Variants in ZNF33A observed in about 807,000 individuals in gnomAD.
ZNF33A encodes zinc finger protein 33A, also known as brain my041 protein.
A neutral mutation model predicts 15.9 loss-of-function variants in ZNF33A; 9 were observed. The observed-to-expected ratio is 0.57, with a 90% CI of 0.34 to 0.99. The LOEUF is 0.99. Ranked by LOEUF, ZNF33A falls within the 50% of genes least tolerant of loss-of-function variation. The pLI, the probability that ZNF33A is intolerant of heterozygous loss-of-function variation, is 0.02. For synonymous variants in ZNF33A, 294 were observed against 324.2 expected (o/e 0.91, Z 1.00); for missense variants, 843 against 941.6 (o/e 0.90, Z 1.37).
chr10:38,029,173 T>C (rs1053785548), intron 4 of ZNF33A, among the ~76,000 whole-genome samples: 2 of 152,208 alleles, frequency 1.3e-5, no homozygotes, highest in African/African-American at 4.8e-5. Context: ...TCCTCCAGAT[T>C]AGAGTCTAGT....
At chr10:38,064,072 C>G, downstream of ZNF33A, 1 of 1,596,506 alleles carries the variant, frequency 6.3e-7, no homozygotes, top group African/African-American at 1.3e-5. Flanking sequence ...TTCTCACCAT[C>G]CTTACTCCCT....
chr10:38,067,472 T>C (rs1375251536), downstream of ZNF33A, among the ~76,000 whole-genome samples: 4 of 152,206 alleles, frequency 2.6e-5, no homozygotes, highest in Non-Finnish European at 5.9e-5. Flanking sequence ...CAATTCTTTG[T>C]TGAGATTCTC....
rs185666737 is a variant in ZNF33A, at chr10:38,057,194, G to A, written c.*634G>A. On this transcript the variant is annotated 3_prime_UTR_variant, in exon 5 of 5. Transcript: ENST00000432900. ...TTTACATTTGAGTAACCATCAACAC[G>A]ATTAGTTTACAGAACTGAAAAGGAA... The A allele has an allele frequency of 6.1e-6, 6 of 983,454 alleles. No homozygotes were observed. Among genetic ancestry groups the A allele is most frequent in the East Asian group, 1.1e-4 (1 of 8,794 alleles). The allele number at this position is 983,454 out of a possible 1,614,324, so 60.9% of individuals were successfully genotyped here. A position where few individuals can be genotyped will look rare whatever the true frequency, so the allele number is the denominator to read the frequency against.
intron 4 of ZNF33A, among the ~76,000 whole-genome samples, chr10:38,019,148 G>A (rs9417282): frequency 0.88 from 127,111 of 144,612 alleles, 55,699 homozygotes; most frequent in South Asian, 0.94. Flanking sequence ...CCCCCACCCC[G>A]TAACAGTCCC....
chr10:38,039,541 T>C (rs1189004597), intron 4 of ZNF33A: 1 of 455,812 alleles, frequency 2.2e-6, no homozygotes, highest in Non-Finnish European at 4.4e-6. Context: ...ATGGGGAGTT[T>C]TAAATTTACA....
Position 38,056,510 on chromosome 10 carries a change from G to A in ZNF33A, c.2386G>A (p.Glu796Lys). Residue 796 changes from glutamate (E) to lysine (K), a missense_variant, in exon 5 of 5, where the codon GAG becomes AAG. Physicochemically the swap from Glu to Lys is moderately conservative, Grantham distance 56 (BLOSUM62 1). Coordinates refer to ENST00000432900, the MANE Select transcript of ZNF33A (RefSeq NM_006954.2). ...ACAAGTCAGCCTCCATAATGCCTCA[G>A]AGTATTCACACTGTGGAGAAAGCCC... ...QPQVSLHNASEYSHCGESPDD... is the reference protein window; with the variant it reads ...QPQVSLHNASKYSHCGESPDD... 1 of 1,608,312 alleles carries A rather than the reference G, an allele frequency of 6.2e-7. No homozygotes were observed. The highest frequency in any genetic ancestry group is 1.3e-5 in the African/African-American group (1 of 74,814).
chr10:38,023,531 T>C (rs1371765945), intron 4 of ZNF33A, among the ~76,000 whole-genome samples: 1 of 152,162 alleles, frequency 6.6e-6, no homozygotes, highest in Non-Finnish European at 1.5e-5. Context: ...CATCAGTTAA[T>C]AATAGAGAAA....
intron 4 of ZNF33A, among the ~76,000 whole-genome samples, chr10:38,028,279 T>TAAATA (rs952037725): frequency 2.6e-4 from 40 of 151,748 alleles, no homozygotes; most frequent in African/African-American, 4.3e-4. Context: ...AATAAATAAA[T>TAAATA]AAATAAAATA....
At chr10:38,050,419 C>T (rs1377339473) in intron 4 of ZNF33A, among the ~76,000 whole-genome samples, 2 of 152,256 alleles carry the variant, frequency 1.3e-5, no homozygotes, top group African/African-American at 4.8e-5. Context: ...TGTTGCTGCA[C>T]TCTTGTAAGA....
intron 4 of ZNF33A, chr10:38,039,572 G>T (rs1360103956): frequency 2.2e-6 from 1 of 454,746 alleles, no homozygotes; most frequent in Non-Finnish European, 4.4e-6. Context: ...TTTTACTTGT[G>T]TAGGTCTTTT....
downstream of ZNF33A, among the ~76,000 whole-genome samples, chr10:38,062,934 C>T (rs1444175627): frequency 4.7e-5 from 6 of 128,584 alleles, no homozygotes; most frequent in South Asian, 2.6e-4. Flanking sequence ...ACCCAGGAGG[C>T]GGAGCTTGCA....
chr10:38,017,385 A>G lies in ZNF33A; in HGVS notation c.249A>G (p.Pro83=), dbSNP rs2064508378. 8 of 1,612,072 alleles carry G rather than the reference A, an allele frequency of 5.0e-6. No individual in the cohort carries two copies. The South Asian group carries it at 6.6e-5, about 13-fold the overall frequency. Residue 83 remains proline, a splice_region_variant and synonymous_variant, in exon 4 of 5, where the codon CCA becomes CCG. Transcript: ENST00000432900. ...QEEEFPSQSF[P]EVWTADHLKE... ...AAGAATTCCCAAGCCAAAGCTTTCCAGGTGAGTTAATATGTACTGCACAGA... is the reference window on the plus strand; with the variant it reads ...AAGAATTCCCAAGCCAAAGCTTTCCGGGTGAGTTAATATGTACTGCACAGA...
intron 4 of ZNF33A, among the ~76,000 whole-genome samples, chr10:38,022,324 A>G (rs1303766984): frequency 6.6e-6 from 1 of 152,176 alleles, no homozygotes; most frequent in Non-Finnish European, 1.5e-5. Context: ...ATTTAACAGT[A>G]TAATAAGGGA....
chr10:38,041,966 G>T (rs1776252077), intron 4 of ZNF33A, among the ~76,000 whole-genome samples: 1 of 151,970 alleles, frequency 6.6e-6, no homozygotes, highest in Admixed American at 6.6e-5. Flanking sequence ...TCCTCCCCTT[G>T]CCCCCACACC....
intron 4 of ZNF33A, among the ~76,000 whole-genome samples, chr10:38,026,876 G>A (rs2065014139): frequency 6.6e-6 from 1 of 152,164 alleles, no homozygotes; most frequent in African/African-American, 2.4e-5. Context: ...CGACCAGTCT[G>A]TGGCAACCTC....
At chr10:38,014,871 A>T (rs746849061) in intron 2 of ZNF33A, among the ~76,000 whole-genome samples, 2 of 152,030 alleles carry the variant, frequency 1.3e-5, no homozygotes, top group South Asian at 2.1e-4. Context: ...CCTATATATA[A>T]ATTTGGGAAG....
Position 38,056,944 on chromosome 10 carries a change from A to T in ZNF33A, c.*384A>T. 1.1e-6 allele frequency: 1 copy of T among 930,618 alleles called. No homozygotes were observed. The highest frequency in any genetic ancestry group is 1.3e-6 in the Non-Finnish European group (1 of 777,948). 57.6% of individuals were successfully genotyped at this position (930,618 alleles called of 1,614,324 possible). On this transcript the variant is annotated 3_prime_UTR_variant, in exon 5 of 5. Transcript: ENST00000432900. Reference sequence around the variant, plus strand: ...GAACTTAAACAAAGGTAATAATTAAAATAACCTCACAAGAAGTTTAATGAG... The same window carrying T: ...GAACTTAAACAAAGGTAATAATTAATATAACCTCACAAGAAGTTTAATGAG...
Position 38,060,018 on chromosome 10 carries a change from A to G in ZNF33A, c.*3458A>G. 1.0e-6 allele frequency: 1 copy of G among 982,694 alleles called. No individual in the cohort carries two copies. The highest frequency in any genetic ancestry group is 1.1e-4 in the East Asian group (1 of 8,802). The allele number at this position is 982,694 out of a possible 1,614,324, so 60.9% of individuals were successfully genotyped here. ...TGTAACCCTAAAGCTACTCTAAAAAATGAAGTGTATCAAGTAAATAAATAA... is the reference window on the plus strand; with the variant it reads ...TGTAACCCTAAAGCTACTCTAAAAAGTGAAGTGTATCAAGTAAATAAATAA... On this transcript the variant is annotated 3_prime_UTR_variant, in exon 5 of 5. Coordinates refer to ENST00000432900, the MANE Select transcript of ZNF33A (RefSeq NM_006954.2).
At chr10:38,064,044 A>G, downstream of ZNF33A, 1 of 1,583,110 alleles carries the variant, frequency 6.3e-7, no homozygotes, top group South Asian at 1.1e-5. Flanking sequence ...ACCCTACGAC[A>G]GACATTTTCA....
Sources: gnomAD v4.1 joint callset for allele counts (sites outside exome capture counted in the v4.1 genomes callset) on GRCh38, gnomAD v4.1.1 for gene constraint, MANE v1.5 for transcripts, NCBI Gene and HGNC (gene_info 2026-07-23, HGNC 2026-07-21) for gene names.